Variants in SDK1 observed in about 807,000 individuals in gnomAD.
SDK1 encodes the protein sidekick cell adhesion molecule 1.
In SDK1, 157 loss-of-function variants were observed where a neutral mutation model predicts 245.5. That is an observed-to-expected ratio of 0.64 (90% CI 0.56 to 0.73). The LOEUF (loss-of-function observed/expected upper bound fraction) is 0.73, where lower values mean the gene tolerates loss of function less well. SDK1 is among the 30% of genes least tolerant of loss of function. The probability of loss-of-function intolerance (pLI) is 0.00; values close to 1 mark genes in which losing one functional copy is unlikely to be tolerated. For missense variants in SDK1, 3,583 were observed against 3,002.3 expected (o/e 1.19, Z -4.52); for synonymous variants, 1,647 against 1,278.5 (o/e 1.29, Z -6.15).
chr7:4,232,927 A>G (rs566292432), intron 40 of SDK1: 2 of 188,414 alleles, frequency 1.1e-5, no homozygotes, highest in African/African-American at 4.7e-5. Context: ...ATGTTTTCTT[A>G]TATGTGAGGT....
intron 5 of SDK1, among the ~76,000 whole-genome samples, chr7:3,914,098 G>C (rs1002452022): frequency 4.6e-5 from 7 of 152,190 alleles, no homozygotes; most frequent in African/African-American, 1.7e-4. Flanking sequence ...GGATAGCTTA[G>C]CATTTTGCAT....
chr7:4,198,403 G>T (rs1486752061), intron 35 of SDK1, among the ~76,000 whole-genome samples: 1 of 152,212 alleles, frequency 6.6e-6, no homozygotes, highest in Non-Finnish European at 1.5e-5. Context: ...AGGGCTCTTT[G>T]CACTTGACGC....
chr7:3,553,245 C>T (rs1378579217), intron 1 of SDK1, among the ~76,000 whole-genome samples: 1 of 152,082 alleles, frequency 6.6e-6, no homozygotes, highest in African/African-American at 2.4e-5. Flanking sequence ...ATGTTCATAG[C>T]AATCTAGGAG....
At chr7:3,713,155 G>C (rs1583332392) in intron 4 of SDK1, among the ~76,000 whole-genome samples, 4 of 152,354 alleles carry the variant, frequency 2.6e-5, no homozygotes, top group African/African-American at 9.6e-5. Flanking sequence ...GCACACCCCT[G>C]AGATAAGCAC....
intron 4 of SDK1, among the ~76,000 whole-genome samples, chr7:3,719,666 T>C (rs962446036): frequency 6.6e-6 from 1 of 152,088 alleles, no homozygotes; most frequent in African/African-American, 2.4e-5. Flanking sequence ...TCACATAAAA[T>C]AAAAACTGTA....
chr7:4,155,370 G>T (rs954007140), intron 30 of SDK1, among the ~76,000 whole-genome samples: 1 of 152,170 alleles, frequency 6.6e-6, no homozygotes, highest in Non-Finnish European at 1.5e-5. Context: ...AAACCCATTT[G>T]TCTGGGAGCC....
intron 19 of SDK1, among the ~76,000 whole-genome samples, chr7:4,065,937 A>G (rs938305202): frequency 2.4e-4 from 36 of 152,020 alleles, no homozygotes; most frequent in African/African-American, 7.5e-4. Flanking sequence ...CCTTGACTTC[A>G]TGCTCTCCTA....
At chr7:4,233,700 T>G (rs999300145) in intron 41 of SDK1, among the ~76,000 whole-genome samples, 10 of 152,258 alleles carry the variant, frequency 6.6e-5, no homozygotes, top group African/African-American at 2.4e-4. Context: ...TCCAGCTTAG[T>G]TGAGGTTCTG....
At chr7:4,020,569 GA>G (rs1261523777) in intron 17 of SDK1, among the ~76,000 whole-genome samples, 1 of 152,228 alleles carries the variant, frequency 6.6e-6, no homozygotes, top group Non-Finnish European at 1.5e-5. Context: ...GAATGGGACA[GA>G]AAGGGATCTG....
intron 32 of SDK1, among the ~76,000 whole-genome samples, chr7:4,164,770 A>G (rs1474411258): frequency 6.6e-6 from 1 of 152,168 alleles, no homozygotes; most frequent in Non-Finnish European, 1.5e-5. Context: ...CAGCTCAGGG[A>G]CGTGCCTAGT....
At chr7:3,986,319 C>T (rs1783822723) in intron 13 of SDK1, among the ~76,000 whole-genome samples, 1 of 152,062 alleles carries the variant, frequency 6.6e-6, no homozygotes, top group African/African-American at 2.4e-5. Flanking sequence ...AGTGGTTTCA[C>T]CACACTTCCT....
At chr7:4,182,548 T>A (rs148564172) in intron 35 of SDK1, among the ~76,000 whole-genome samples, 161 of 152,242 alleles carry the variant, frequency 1.1e-3, no homozygotes, top group African/African-American at 3.7e-3. Flanking sequence ...TATGCTGAGA[T>A]GAAGGCAGGT....
At chr7:3,780,058 A>C (rs1780685022) in intron 4 of SDK1, among the ~76,000 whole-genome samples, 1 of 152,050 alleles carries the variant, frequency 6.6e-6, no homozygotes, top group African/African-American at 2.4e-5. Flanking sequence ...GCAGCTGTCC[A>C]CAGACTAGAA....
At chr7:4,234,165 G>A (rs969437580) in intron 41 of SDK1, among the ~76,000 whole-genome samples, 1 of 152,232 alleles carries the variant, frequency 6.6e-6, no homozygotes, top group Non-Finnish European at 1.5e-5. Context: ...GCCGGGGATA[G>A]TAGCTGCTCT....
intron 1 of SDK1, among the ~76,000 whole-genome samples, chr7:3,347,815 C>T (rs1780548683): frequency 6.6e-6 from 1 of 151,968 alleles, no homozygotes; most frequent in African/African-American, 2.4e-5. Flanking sequence ...TTCTTAAGTA[C>T]TTTATTAATT....
chr7:4,071,816 AC>A (rs1467218025), intron 20 of SDK1, among the ~76,000 whole-genome samples: 1 of 152,178 alleles, frequency 6.6e-6, no homozygotes, highest in Non-Finnish European at 1.5e-5. Flanking sequence ...ATTCTGGCCT[AC>A]CGTCTGCCCA....
At chr7:3,774,836 G>A (rs1780505195) in intron 4 of SDK1, among the ~76,000 whole-genome samples, 2 of 152,178 alleles carry the variant, frequency 1.3e-5, no homozygotes, top group South Asian at 4.1e-4. Flanking sequence ...AGACAACCAT[G>A]ATCCTACAAG....
At chr7:3,872,214 T>C (rs1356713417) in intron 5 of SDK1, among the ~76,000 whole-genome samples, 3 of 152,218 alleles carry the variant, frequency 2.0e-5, no homozygotes, top group African/African-American at 4.8e-5. Flanking sequence ...TCGGTGAGAA[T>C]GTTTATATTC....
chr7:3,695,451 T>C (rs957505677), intron 4 of SDK1, among the ~76,000 whole-genome samples: 1 of 152,240 alleles, frequency 6.6e-6, no homozygotes, highest in African/African-American at 2.4e-5. Flanking sequence ...TTCTCTTACA[T>C]ATGTTTTTTG....
Sources: allele counts gnomAD v4.1 joint callset (sites outside exome capture counted in the v4.1 genomes callset), GRCh38; gene constraint gnomAD v4.1.1; transcripts MANE v1.5; gene names NCBI Gene and HGNC (gene_info 2026-07-23, HGNC 2026-07-21).